The following EPRS1 variants were observed in gnomAD, a reference collection of about 807,000 sequenced individuals.
EPRS1 encodes glutamyl-prolyl-tRNA synthetase 1, also known as bifunctional glutamate/proline--tRNA ligase.
A neutral mutation model predicts 188.3 loss-of-function variants in EPRS1; 107 were observed. That is an observed-to-expected ratio of 0.57 (90% CI 0.49 to 0.67). The LOEUF (loss-of-function observed/expected upper bound fraction) is 0.67. EPRS1 is among the 30% of genes least tolerant of loss of function. The pLI, the probability that EPRS1 is intolerant of heterozygous loss-of-function variation, is 0.00. For synonymous variants in EPRS1, 596 were observed against 593.1 expected (o/e 1.00, Z -0.07); for missense variants, 1,577 against 1,802.2 (o/e 0.88, Z 2.26).
rs559389537 is a variant in EPRS1 at position 219,972,092 on chromosome 1, G to A, written c.4300C>T (p.Gln1434Ter). 2.7e-5 allele frequency: 43 copies of A among 1,597,256 alleles called. No homozygotes were observed. The South Asian group carries it at 4.2e-4, about 16-fold the overall frequency. The change falls in exon 30 of 32, where the codon CAG (glutamine) becomes TAG (stop). Residue 1434 changes from glutamine (Q) to a stop codon, truncating the protein, a stop_gained. Transcript: ENST00000366923. LOFTEE classifies it high-confidence loss of function. ...ACCTTTCCAGAATCTAGTATCTTCT[G>A]AAAGTCTTCCATTGTATTAGCCACA... ...MVVANTMEDF[Q>*]KILDSGKIVQ...
intron 18 of EPRS1, 27 bp downstream of exon 18, chr1:219,996,956 G>A (rs777097392): frequency 1.9e-6 from 3 of 1,539,370 alleles, no homozygotes; most frequent in Admixed American, 4.1e-5. Flanking sequence ...CTGAAAATGT[G>A]GTCTTGACTT....
At chr1:220,015,325 C>T (rs1437848984) in intron 12 of EPRS1, among the ~76,000 whole-genome samples, 1 of 151,836 alleles carries the variant, frequency 6.6e-6, no homozygotes, top group Non-Finnish European at 1.5e-5. Context: ...TAGCCAGGTG[C>T]AGTGGCAGAA....
intron 18 of EPRS1, among the ~76,000 whole-genome samples, chr1:219,991,121 ATTT>A (rs909431421): frequency 6.6e-6 from 1 of 150,788 alleles, no homozygotes. Flanking sequence ...AAAATGGACA[ATTT>A]TTTTTTATTA....
chr1:219,971,795 T>TATATATATATATATATATATATGCACAC (rs140568859), intron 30 of EPRS1, among the ~76,000 whole-genome samples: 1 of 108,400 alleles, frequency 9.2e-6, no homozygotes, highest in African/African-American at 3.2e-5. Context: ...TATATATATA[T>TATATATATATATATATATATATGCACAC]ACATATACAC....
intron 29 of EPRS1, 50 bp downstream of exon 29, chr1:219,973,188 A>G (rs1268079497): frequency 1.3e-6 from 2 of 1,517,338 alleles, no homozygotes; most frequent in Non-Finnish European, 1.8e-6. Context: ...AAGATCTCAA[A>G]GGTGGTGGAA....
At chr1:219,999,160 AT>A (rs1270772928) in intron 17 of EPRS1, among the ~76,000 whole-genome samples, 1 of 152,138 alleles carries the variant, frequency 6.6e-6, no homozygotes, top group Admixed American at 6.5e-5. Flanking sequence ...TGAGAATTTA[AT>A]TTTGATAGTA....
intron 6 of EPRS1, among the ~76,000 whole-genome samples, chr1:220,025,798 T>C (rs77692582): frequency 1.3e-5 from 2 of 151,452 alleles, no homozygotes; most frequent in South Asian, 4.2e-4. Flanking sequence ...AATAAAAGTT[T>C]TTTTTTTTTT....
At chr1:220,025,066 TA>T (rs773997912) in intron 7 of EPRS1, 65 bp downstream of exon 7, 6 of 1,434,732 alleles carry the variant, frequency 4.2e-6, no homozygotes, top group Non-Finnish European at 5.9e-6. Flanking sequence ...ACCATGAAGG[TA>T]TTAGGTAATC....
rs752079585 is a variant in EPRS1 at position 219,983,241 on chromosome 1, G to GAC, written c.3246_3247dup (p.Ser1083CysfsTer6). ...CTTCTCTTTCTCTAATGCACTTTGAGACACAAACATGGGGAAGTAGCAGTT... is the reference window on the plus strand; with the variant it reads ...CTTCTCTTTCTCTAATGCACTTTGAGACACACAAACATGGGGAAGTAGCAGTT... On this transcript the variant is annotated frameshift_variant, in exon 22 of 32. Transcript: ENST00000366923. LOFTEE classifies it high-confidence loss of function. 1 of 1,614,118 alleles carries GAC rather than the reference G, an allele frequency of 6.2e-7. No homozygotes were observed. The highest frequency in any genetic ancestry group is 1.7e-5 in the Admixed American group (1 of 60,032).
intron 15 of EPRS1, among the ~76,000 whole-genome samples, chr1:220,005,899 A>G (rs1254134267): frequency 7.2e-6 from 1 of 138,316 alleles, no homozygotes; most frequent in Non-Finnish European, 1.5e-5. Flanking sequence ...TGAACTCCTG[A>G]GCTCAAGCGA....
rs533187558 is a variant in EPRS1 at position 220,026,073 on chromosome 1, G to A, written c.624-815C>T. On this transcript the variant is annotated intron_variant, in intron 6 of 31. Coordinates refer to ENST00000366923, the MANE Select transcript of EPRS1 (RefSeq NM_004446.3). ...CTCCCAAAGTGCTGGGATTACAGGCGTGAGCCACCGCACCCAGCCAAAAGA... is the reference window on the plus strand; with the variant it reads ...CTCCCAAAGTGCTGGGATTACAGGCATGAGCCACCGCACCCAGCCAAAAGA... Among the ~76,000 whole-genome samples, 49 of 152,294 alleles carry A rather than the reference G, an allele frequency of 3.2e-4. 1 individual carries two copies. Among genetic ancestry groups the A allele is most frequent in the Admixed American group, 2.1e-3 (32 of 15,300 alleles).
intron 18 of EPRS1, among the ~76,000 whole-genome samples, chr1:219,996,032 T>A (rs986514661): frequency 6.6e-6 from 1 of 152,198 alleles, no homozygotes; most frequent in Non-Finnish European, 1.5e-5. Context: ...TTGTTTTTCG[T>A]TGCAGTACTA....
intron 6 of EPRS1, 141 bp downstream of exon 6, chr1:220,030,245 C>T (rs1662059486): frequency 2.2e-5 from 12 of 550,756 alleles, no homozygotes; most frequent in South Asian, 8.3e-5. Flanking sequence ...ACTGTTAAAA[C>T]GTTTAGAATT....
At chr1:220,039,685 A>AT (rs1342027731) in intron 2 of EPRS1, among the ~76,000 whole-genome samples, 1 of 151,902 alleles carries the variant, frequency 6.6e-6, no homozygotes, top group African/African-American at 2.4e-5. Flanking sequence ...CACCTGGATA[A>AT]TTTTTTGTAT....
Position 219,968,818 on chromosome 1 carries a change from A to G in EPRS1, c.4527T>C (p.Gly1509=). 1 of 1,614,138 alleles carries G rather than the reference A, an allele frequency of 6.2e-7. No individual in the cohort carries two copies. Among genetic ancestry groups the G allele is most frequent in the South Asian group, 1.1e-5 (1 of 91,086 alleles). Residue 1509 remains glycine, a synonymous_variant, in exon 32 of 32, where the codon GGT becomes GGC. Coordinates refer to ENST00000366923, the MANE Select transcript of EPRS1 (RefSeq NM_004446.3). ...TTTCGTTCATCCCTCAGTAGCTGCGACCAAATAAGGTGTAGTACTTGGCAG... is the reference window on the plus strand; with the variant it reads ...TTTCGTTCATCCCTCAGTAGCTGCGGCCAAATAAGGTGTAGTACTTGGCAG... The part of the protein sequence containing the change: ...KNPAKYYTLF[G]RSY
rs114312277 is a variant in EPRS1, at chr1:220,004,138, C to A, written c.2063+1110G>T. Among the ~76,000 whole-genome samples the A allele has an allele frequency of 5.3e-3, 812 of 152,218 alleles. 7 individuals are homozygous for A. Among genetic ancestry groups the A allele is most frequent in the African/African-American group, 0.019 (788 of 41,550 alleles). ...GAACTTGTGGGCTCAAGCAATCCTGCCGCCTCACCTGCTTGAGCAGTGAGG... is the reference window on the plus strand; with the variant it reads ...GAACTTGTGGGCTCAAGCAATCCTGACGCCTCACCTGCTTGAGCAGTGAGG... On this transcript the variant is annotated intron_variant, in intron 16 of 31. Coordinates refer to ENST00000366923, the MANE Select transcript of EPRS1 (RefSeq NM_004446.3).
intron 11 of EPRS1, 96 bp from the exon 12 acceptor site, chr1:220,018,604 A>AC (rs1661791089): frequency 1.2e-6 from 1 of 824,952 alleles, no homozygotes; most frequent in Non-Finnish European, 2.0e-6. Flanking sequence ...AAAAAAAAAA[A>AC]CTCGATAAAT....
At chr1:219,982,291 C>A (rs1660914113) in intron 23 of EPRS1, among the ~76,000 whole-genome samples, 2 of 152,104 alleles carry the variant, frequency 1.3e-5, no homozygotes, top group Non-Finnish European at 2.9e-5. Flanking sequence ...TCTTTACCTG[C>A]AAAATGGAAA....
At chr1:219,995,267 C>A (rs1367599800) in intron 18 of EPRS1, among the ~76,000 whole-genome samples, 3 of 152,144 alleles carry the variant, frequency 2.0e-5, no homozygotes, top group African/African-American at 7.2e-5. Flanking sequence ...AACCCATTAA[C>A]CCAAAAGGAT....
Sources: gnomAD v4.1 joint callset for allele counts (sites outside exome capture counted in the v4.1 genomes callset) on GRCh38, gnomAD v4.1.1 for gene constraint, MANE v1.5 for transcripts, NCBI Gene and HGNC (gene_info 2026-07-23, HGNC 2026-07-21) for gene names.